Variants in SEC22C observed in about 807,000 individuals in gnomAD.
SEC22C encodes vesicle-trafficking protein SEC22c.
Under a neutral mutation model 34.7 loss-of-function variants are expected in SEC22C, and 29 were observed. That is an observed-to-expected ratio of 0.84 (90% CI 0.62 to 1.14). The LOEUF (loss-of-function observed/expected upper bound fraction) is 1.14. Among genes scored for constraint, SEC22C ranks in the 50% most tolerant of loss-of-function variants. The pLI is 0.00. For missense variants in SEC22C, 337 were observed against 369.0 expected (o/e 0.91, Z 0.71); for synonymous variants, 117 against 132.8 (o/e 0.88, Z 0.82).
At position 42,552,894 on chromosome 3, in the gene SEC22C, A is replaced by T; in HGVS notation, c.*354T>A. The T allele has an allele frequency of 2.8e-6, 3 of 1,059,014 alleles. No individual in the cohort carries two copies. The highest frequency in any genetic ancestry group is 3.4e-6 in the Non-Finnish European group (3 of 876,184). 65.6% of individuals were successfully genotyped at this position (1,059,014 alleles called of 1,614,324 possible). On this transcript the variant is annotated 3_prime_UTR_variant, in exon 7 of 7. Coordinates refer to ENST00000264454, the MANE Select transcript of SEC22C (RefSeq NM_032970.4). Reference sequence around the variant, plus strand: ...CTTGGAGACAACTCTCAATGACTAAAACCAGTGTTATTGAATCAAGTGGTT... The same window carrying T: ...CTTGGAGACAACTCTCAATGACTAATACCAGTGTTATTGAATCAAGTGGTT...
At chr3:42,589,123 G>C (rs531453988) in intron 1 of SEC22C, among the ~76,000 whole-genome samples, 119 of 151,882 alleles carry the variant, frequency 7.8e-4, no homozygotes, top group Non-Finnish European at 7.4e-5. Flanking sequence ...AAAAAAATTA[G>C]CCGGGTGTGG....
At chr3:42,581,284 G>A (rs554030103) in intron 1 of SEC22C, 2 of 152,298 alleles carry the variant, frequency 1.3e-5, no homozygotes, top group Middle Eastern at 3.4e-3. Flanking sequence ...ACTGGCAATA[G>A]TCTTCCGTGG....
chr3:42,593,344 G>A (rs1370926997), intron 1 of SEC22C, among the ~76,000 whole-genome samples: 2 of 152,206 alleles, frequency 1.3e-5, no homozygotes, highest in Non-Finnish European at 2.9e-5. Flanking sequence ...TTGAACCCAG[G>A]AGGTGGAGGT....
Position 42,591,199 on chromosome 3 carries a change from TCC to T in SEC22C, c.-28+9759_-28+9760del, listed in dbSNP as rs1243228055. 1.0e-3 allele frequency: 546 copies of T among 547,224 alleles called. 5 individuals carry two copies. In the East Asian group the frequency reaches 0.015, roughly 15 times the overall value. The allele number at this position is 547,224 out of a possible 1,614,324, so 33.9% of individuals were successfully genotyped here. ...CGTCACACTGCACTAACCCTTTCTC[TCC>T]TTTTTTTTTTTTTTTTGAGACGGAG... On this transcript the variant is annotated intron_variant, in intron 1 of 6. Transcript: ENST00000417572.
chr3:42,548,754 A>G lies in SEC22C; in HGVS notation c.*4494T>C. 8 of 1,592,136 alleles carry G rather than the reference A, an allele frequency of 5.0e-6. No homozygotes were observed. The highest frequency in any genetic ancestry group is 6.9e-6 in the Non-Finnish European group (8 of 1,167,032). On this transcript the variant is annotated 3_prime_UTR_variant, in exon 7 of 7. Coordinates refer to ENST00000264454, the MANE Select transcript of SEC22C (RefSeq NM_032970.4). ...AAGAAGAGGGGCTGCTACCTTTTGGAGTGAAAAAAATGAGGTTTACACTGT... is the reference window on the plus strand; with the variant it reads ...AAGAAGAGGGGCTGCTACCTTTTGGGGTGAAAAAAATGAGGTTTACACTGT...
intron 6 of SEC22C, among the ~76,000 whole-genome samples, 170 bp from the exon 7 acceptor site, chr3:42,553,618 T>C (rs564337388): frequency 4.6e-5 from 7 of 152,282 alleles, no homozygotes; most frequent in East Asian, 1.9e-4. Context: ...CTGCTAATTA[T>C]TGGACGAAAG....
rs996588461 is a variant in SEC22C at position 42,600,709 on chromosome 3, G to C, written c.-28+251C>G. 40 of 260,746 alleles carry C rather than the reference G, an allele frequency of 1.5e-4. No homozygotes were observed. The Admixed American group carries it at 1.9e-3, about 12-fold the overall frequency. The allele number at this position is 260,746 out of a possible 1,614,324, so 16.2% of individuals were successfully genotyped here. A position where few individuals can be genotyped will look rare whatever the true frequency, so the allele number is the denominator to read the frequency against. On this transcript the variant is annotated intron_variant, in intron 1 of 6. Coordinates refer to the SEC22C transcript ENST00000417572. ...GAGACGGCGTTCCGTTAGCGGCGTT[G>C]GGGTTTGGCTGCAGTGGCAGTGCTT...
intron 1 of SEC22C, chr3:42,590,873 G>A: frequency 6.2e-7 from 1 of 1,613,690 alleles, no homozygotes; most frequent in Non-Finnish European, 8.5e-7. Context: ...TTGCTTGGCG[G>A]TCGTGGTTCC....
chr3:42,577,126 T>C (rs535176535), intron 1 of SEC22C, among the ~76,000 whole-genome samples: 13 of 152,092 alleles, frequency 8.5e-5, no homozygotes, highest in Non-Finnish European at 1.8e-4. Flanking sequence ...TTATCATAGA[T>C]ATAAATATGA....
Position 42,551,269 on chromosome 3 carries a change from A to C in SEC22C, c.*1979T>G. The C allele has an allele frequency of 1.0e-6, 1 of 985,426 alleles. No individual in the cohort carries two copies. 61.0% of individuals were successfully genotyped at this position (985,426 alleles called of 1,614,324 possible). On this transcript the variant is annotated 3_prime_UTR_variant, in exon 7 of 7. Coordinates refer to ENST00000264454, the MANE Select transcript of SEC22C (RefSeq NM_032970.4). ...AAAATTCACCTGCTGGGTATGCAGA[A>C]AATTATGCAGATGTGAAATCAGTGT...
intron 1 of SEC22C, among the ~76,000 whole-genome samples, chr3:42,572,303 G>A (rs1395123186): frequency 6.6e-6 from 1 of 151,346 alleles, no homozygotes; most frequent in Non-Finnish European, 1.5e-5. Flanking sequence ...CAAAAAACTT[G>A]CAGGTAAAAA....
At chr3:42,582,231 C>T (rs886914371), upstream of SEC22C, 2 of 152,258 alleles carry the variant, frequency 1.3e-5, no homozygotes, top group South Asian at 2.1e-4. Context: ...TTCTCACGTC[C>T]GGAGGTGAGA....
chr3:42,573,218 T>C lies in SEC22C; in HGVS notation c.-27-4145A>G, dbSNP rs114018463. 1.4e-3 allele frequency among the ~76,000 whole-genome samples: 206 copies of C among 152,138 alleles called. 1 individual carries two copies. The highest frequency in any genetic ancestry group is 4.7e-3 in the African/African-American group (195 of 41,500). ...AGAAGATATAAAAACTAAATGGAGA[T>C]TCTAGAATTAAAAATAAACCGAGGA... is the stretch of plus-strand genomic sequence containing the variant. On this transcript the variant is annotated intron_variant, in intron 1 of 6. Coordinates refer to ENST00000264454, the MANE Select transcript of SEC22C (RefSeq NM_032970.4).
Position 42,553,302 on chromosome 3 carries a change from T to G in SEC22C, c.858A>C (p.Ser286=). The G allele has an allele frequency of 1.2e-6, 2 of 1,614,154 alleles. No individual in the cohort carries two copies. The highest frequency in any genetic ancestry group is 1.3e-5 in the African/African-American group (1 of 75,022). ...GAAGCTGCCTTGTTAGTATCTGATA[T>G]GAAGACAGAAAAGCCACTCCTATGT... The part of the protein sequence containing the change: ...LFHIGVAFLS[S]YQILTRQLQE... The change falls in exon 7 of 7, where the codon TCA becomes TCC. Residue 286 remains serine (S), a synonymous_variant. Transcript: ENST00000264454.
rs759415627 is a variant in SEC22C at position 42,551,941 on chromosome 3, G to A, written c.*1307C>T. On this transcript the variant is annotated 3_prime_UTR_variant, in exon 7 of 7. Coordinates refer to ENST00000264454, the MANE Select transcript of SEC22C (RefSeq NM_032970.4). ...CACATAATGCAGTTGAACACTCAAA[G>A]TGTTCCATGCAACTGTGGTTGAACT... 5 of 985,288 alleles carry A rather than the reference G, an allele frequency of 5.1e-6. No homozygotes were observed. The highest frequency in any genetic ancestry group is 6.0e-6 in the Non-Finnish European group (5 of 829,832). 61.0% of individuals were successfully genotyped at this position (985,288 alleles called of 1,614,324 possible).
At chr3:42,591,698 G>T in intron 1 of SEC22C, 1 of 873,552 alleles carries the variant, frequency 1.1e-6, no homozygotes, top group Non-Finnish European at 1.9e-6. Flanking sequence ...GTGATTGATC[G>T]CAGTTAAGCC....
At chr3:42,588,420 C>CAA (rs1559535238) in intron 1 of SEC22C, among the ~76,000 whole-genome samples, 3 of 151,984 alleles carry the variant, frequency 2.0e-5, no homozygotes, top group Non-Finnish European at 4.4e-5. Context: ...ACAACAACAA[C>CAA]AAAAAAACCC....
At chr3:42,556,140 C>T (rs1702514011) in intron 5 of SEC22C, 145 bp from the exon 6 acceptor site, 10 of 643,492 alleles carry the variant, frequency 1.6e-5, no homozygotes, top group South Asian at 5.9e-5. Flanking sequence ...CCTGTTTATG[C>T]ACCAGATCAG....
Position 42,563,557 on chromosome 3 carries a change from G to A in SEC22C, c.312C>T (p.Gly104=). The part of the protein sequence containing the change: ...FTASYDTTCI[G]LASRPYAFLE... Reference sequence around the variant, plus strand: ...GAAAAGCGTATGGCCTGGAGGCTAGGCCAATGCAGGTAGTGTCATAGGAAG... The same window carrying A: ...GAAAAGCGTATGGCCTGGAGGCTAGACCAATGCAGGTAGTGTCATAGGAAG... Residue 104 remains glycine (G), a synonymous_variant, in exon 3 of 7, where the codon GGC becomes GGT. Coordinates refer to ENST00000264454, the MANE Select transcript of SEC22C (RefSeq NM_032970.4). The A allele has an allele frequency of 6.2e-7, 1 of 1,614,056 alleles. No homozygotes were observed. Among genetic ancestry groups the A allele is most frequent in the African/African-American group, 1.3e-5 (1 of 75,044 alleles).
Sources: gnomAD v4.1 joint callset for allele counts (sites outside exome capture counted in the v4.1 genomes callset) on GRCh38, gnomAD v4.1.1 for gene constraint, MANE v1.5 for transcripts, NCBI Gene and HGNC (gene_info 2026-07-23, HGNC 2026-07-21) for gene names.